TNFSF13B: variants seen among roughly 807,000 people sequenced by gnomAD.
TNFSF13B encodes tumor necrosis factor ligand superfamily member 13B.
A neutral mutation model predicts 29.1 loss-of-function variants in TNFSF13B; 8 were observed. The observed-to-expected ratio is 0.27, with a 90% CI of 0.16 to 0.50. The LOEUF (loss-of-function observed/expected upper bound fraction) is 0.50, where lower values mean the gene tolerates loss of function less well. TNFSF13B is among the 20% of genes least tolerant of loss of function. TNFSF13B has a pLI of 0.98. For synonymous variants in TNFSF13B, 125 were observed against 130.8 expected, an observed-to-expected ratio of 0.96 and a Z score of 0.30; for missense variants, 248 against 334.9, an observed-to-expected ratio of 0.74 and a Z score of 2.03.
intron 3 of TNFSF13B, among the ~76,000 whole-genome samples, chr13:108,293,971 A>G (rs1715350664): frequency 6.6e-6 from 1 of 152,192 alleles, no homozygotes; most frequent in Admixed American, 6.5e-5. Context: ...TCACATTGGA[A>G]GTTAGAATTT....
At chr13:108,294,028 G>A (rs746085929) in intron 3 of TNFSF13B, among the ~76,000 whole-genome samples, 1 of 152,160 alleles carries the variant, frequency 6.6e-6, no homozygotes, top group Non-Finnish European at 1.5e-5. Context: ...CATAACGGAT[G>A]CTACTGTAAA....
At chr13:108,298,406 A>G (rs1443565481) in intron 3 of TNFSF13B, among the ~76,000 whole-genome samples, 2 of 145,986 alleles carry the variant, frequency 1.4e-5, no homozygotes, top group Admixed American at 1.4e-4. Flanking sequence ...TGAATAAATA[A>G]TATTTGGAGA....
intron 3 of TNFSF13B, among the ~76,000 whole-genome samples, chr13:108,288,861 G>A (rs1232859091): frequency 6.6e-6 from 1 of 152,160 alleles, no homozygotes; most frequent in Non-Finnish European, 1.5e-5. Flanking sequence ...AGGCGATGAG[G>A]AATGGGCAAA....
intron 3 of TNFSF13B, among the ~76,000 whole-genome samples, chr13:108,292,756 G>T (rs143285807): frequency 4.7e-4 from 72 of 152,086 alleles, no homozygotes; most frequent in African/African-American, 1.7e-3. Flanking sequence ...TTGTCCATGT[G>T]TTTTAATTGG....
chr13:108,286,937 T>C, intron 3 of TNFSF13B, 78 bp downstream of exon 3: 3 of 999,814 alleles, frequency 3.0e-6, no homozygotes, highest in Admixed American at 2.2e-5. Context: ...ATGTGGCACA[T>C]ATACGCTATG....
chr13:108,306,798 A>C, intron 5 of TNFSF13B, 28 bp from the exon 6 acceptor site: 1 of 1,308,658 alleles, frequency 7.6e-7, no homozygotes, highest in African/African-American at 1.5e-5. Context: ...ATAACCACTT[A>C]TAGTTCTTGT....
intron 5 of TNFSF13B, among the ~76,000 whole-genome samples, chr13:108,305,249 T>A (rs1881737675): frequency 6.6e-6 from 1 of 152,162 alleles, no homozygotes; most frequent in Non-Finnish European, 1.5e-5. Context: ...TTAGAGTATA[T>A]ATAAGTACAT....
At chr13:108,283,751 C>T (rs559664582) in intron 2 of TNFSF13B, among the ~76,000 whole-genome samples, 36 of 152,172 alleles carry the variant, frequency 2.4e-4, no homozygotes, top group Non-Finnish European at 4.4e-4. Context: ...CTAAAGATTT[C>T]GGTATCTGAT....
At chr13:108,273,782 A>C (rs1329945220) in intron 2 of TNFSF13B, among the ~76,000 whole-genome samples, 1 of 152,180 alleles carries the variant, frequency 6.6e-6, no homozygotes, top group Non-Finnish European at 1.5e-5. Context: ...GACCTATAGA[A>C]AATGCGATAG....
chr13:108,270,315 T>C (rs761197579), intron 1 of TNFSF13B, 25 bp from the exon 2 acceptor site: 6 of 1,613,992 alleles, frequency 3.7e-6, no homozygotes, highest in Non-Finnish European at 5.1e-6. Context: ...GTCTTTCTAA[T>C]AACTTGAAGT....
chr13:108,293,825 T>A (rs891342503), intron 3 of TNFSF13B, among the ~76,000 whole-genome samples: 2 of 152,218 alleles, frequency 1.3e-5, no homozygotes, highest in East Asian at 3.9e-4. Flanking sequence ...GGTGGTCTTT[T>A]CATTGTGTTT....
At chr13:108,289,483 C>G (rs1881241670) in intron 3 of TNFSF13B, among the ~76,000 whole-genome samples, 2 of 151,270 alleles carry the variant, frequency 1.3e-5, no homozygotes, top group African/African-American at 4.9e-5. Flanking sequence ...AAGCATTTTA[C>G]TTGCACAGGT....
intron 2 of TNFSF13B, among the ~76,000 whole-genome samples, chr13:108,280,016 T>C (rs1341537842): frequency 6.6e-6 from 1 of 151,390 alleles, no homozygotes; most frequent in South Asian, 2.1e-4. Context: ...TGTTGAGTAA[T>C]ACCCATTTCT....
At chr13:108,291,987 T>C (rs1359157327) in intron 3 of TNFSF13B, among the ~76,000 whole-genome samples, 1 of 152,128 alleles carries the variant, frequency 6.6e-6, no homozygotes, top group Non-Finnish European at 1.5e-5. Context: ...TTATTGAAAT[T>C]AAATTCATAT....
chr13:108,289,996 C>A (rs1271262304), intron 3 of TNFSF13B, among the ~76,000 whole-genome samples: 1 of 152,040 alleles, frequency 6.6e-6, no homozygotes, highest in African/African-American at 2.4e-5. Flanking sequence ...CTCCTTTTCC[C>A]ATCTGTTCCT....
Position 108,296,104 on chromosome 13 carries a change from G to T in TNFSF13B, c.482-7149G>T, listed in dbSNP as rs770054880. ...GGAGTGTTTTCTATGTGTCTGTTAG[G>T]TTCAGTTAGTTTACAGTGTTGTTCA... On this transcript the variant is annotated intron_variant, in intron 3 of 5. Coordinates refer to ENST00000375887, the MANE Select transcript of TNFSF13B (RefSeq NM_006573.5). Among the ~76,000 whole-genome samples, 134 of 145,612 alleles carry T rather than the reference G, an allele frequency of 9.2e-4. 13 individuals carry two copies. The highest frequency in any genetic ancestry group is 1.6e-3 in the Non-Finnish European group (103 of 65,428).
At chr13:108,287,838 G>A (rs1031344717) in intron 3 of TNFSF13B, among the ~76,000 whole-genome samples, 3 of 152,102 alleles carry the variant, frequency 2.0e-5, no homozygotes, top group Non-Finnish European at 4.4e-5. Context: ...GACAAGTTAA[G>A]TGTTTTCCAT....
At chr13:108,294,183 A>AC (rs1881400628) in intron 3 of TNFSF13B, among the ~76,000 whole-genome samples, 1 of 144,014 alleles carries the variant, frequency 6.9e-6, no homozygotes, top group Non-Finnish European at 1.5e-5. Flanking sequence ...AAATTCATGG[A>AC]TTTTTTTTTT....
intron 2 of TNFSF13B, among the ~76,000 whole-genome samples, chr13:108,273,986 T>C (rs559123033): frequency 4.6e-5 from 7 of 152,328 alleles, no homozygotes; most frequent in African/African-American, 1.7e-4. Flanking sequence ...TGAAGAACTC[T>C]ATAATGATCC....
Sources: gnomAD v4.1 joint callset for allele counts (sites outside exome capture counted in the v4.1 genomes callset) on GRCh38, gnomAD v4.1.1 for gene constraint, MANE v1.5 for transcripts, NCBI Gene and HGNC (gene_info 2026-07-23, HGNC 2026-07-21) for gene names.